The following RALGPS1 variants were observed in gnomAD, a reference collection of about 807,000 sequenced individuals.
The protein encoded by RALGPS1 is Ral GEF with PH domain and SH3 binding motif 1, also known as ras-specific guanine nucleotide-releasing factor RalGPS1.
RALGPS1 carries 19 observed loss-of-function variants against 78.8 expected under a neutral mutation model. The ratio of observed to expected loss-of-function variants is 0.24; its 90% confidence interval spans 0.17 to 0.35. The LOEUF (loss-of-function observed/expected upper bound fraction) is 0.35, where lower values mean the gene tolerates loss of function less well. RALGPS1 is among the 10% of genes least tolerant of loss of function. The pLI, the probability that RALGPS1 is intolerant of heterozygous loss-of-function variation, is 1.00. For missense variants in RALGPS1, 454 were observed against 688.3 expected (o/e 0.66, Z 3.81); for synonymous variants, 228 against 256.3 (o/e 0.89, Z 1.06).
At chr9:127,170,867 C>G (rs1353081640) in intron 10 of RALGPS1, among the ~76,000 whole-genome samples, 1 of 152,234 alleles carries the variant, frequency 6.6e-6, no homozygotes, top group Non-Finnish European at 1.5e-5. Flanking sequence ...CCTGCATTCT[C>G]ACCCCCGGCC....
At chr9:127,092,838 G>A (rs2052643934) in intron 8 of RALGPS1, among the ~76,000 whole-genome samples, 1 of 152,072 alleles carries the variant, frequency 6.6e-6, no homozygotes, top group Non-Finnish European at 1.5e-5. Context: ...CAGGAGGTGG[G>A]GTGGGGGACA....
chr9:127,055,023 G>GAGAGAGAGAGAGAGAT (rs2048614880), intron 7 of RALGPS1, among the ~76,000 whole-genome samples: 1 of 98,880 alleles, frequency 1.0e-5, no homozygotes, highest in South Asian at 2.9e-4. Context: ...GAGAGAGAGA[G>GAGAGAGAGAGAGAGAT]AGAGAGAGAG....
chr9:127,036,406 G>C (rs2046869617), intron 5 of RALGPS1, among the ~76,000 whole-genome samples: 2 of 152,248 alleles, frequency 1.3e-5, no homozygotes. Context: ...TCACTTACCT[G>C]TCTGAGCCTC....
chr9:127,107,506 C>T (rs1424497519), intron 8 of RALGPS1, among the ~76,000 whole-genome samples: 1 of 152,238 alleles, frequency 6.6e-6, no homozygotes, highest in Non-Finnish European at 1.5e-5. Context: ...TCTTTTGGCC[C>T]ATTGTTTATT....
At chr9:127,078,291 G>C (rs1434521941) in intron 8 of RALGPS1, among the ~76,000 whole-genome samples, 6 of 152,064 alleles carry the variant, frequency 3.9e-5, no homozygotes, top group South Asian at 2.1e-4. Flanking sequence ...GCAATCTCCG[G>C]ATTTGTTACC....
intron 4 of RALGPS1, among the ~76,000 whole-genome samples, chr9:127,013,709 C>G (rs1196467726): frequency 6.6e-6 from 1 of 152,168 alleles, no homozygotes; most frequent in African/African-American, 2.4e-5. Flanking sequence ...TCCCCAGTGC[C>G]TTTGGGTGAT....
At position 127,219,225 on chromosome 9, in the gene RALGPS1, A is replaced by C; in HGVS notation, c.*456A>C. ...ACAGGGCTGCCTCAGATTTTGTACAACCCCGAAGCGTCCTCTGCGTGTGCG... is the reference window on the plus strand; with the variant it reads ...ACAGGGCTGCCTCAGATTTTGTACACCCCCGAAGCGTCCTCTGCGTGTGCG... On this transcript the variant is annotated 3_prime_UTR_variant, in exon 19 of 19. Transcript: ENST00000259351. This position sits in a 1 kb window ranked among gnomAD's most constrained non-coding sequence, Gnocchi z 5.0. 2.3e-5 allele frequency: 5 copies of C among 214,852 alleles called. No individual in the cohort carries two copies. Among genetic ancestry groups the C allele is most frequent in the South Asian group, 1.6e-4 (2 of 12,862 alleles). 13.3% of individuals were successfully genotyped at this position (214,852 alleles called of 1,614,324 possible). A position where few individuals can be genotyped will look rare whatever the true frequency, so the allele number is the denominator to read the frequency against.
intron 1 of RALGPS1, among the ~76,000 whole-genome samples, chr9:126,954,890 C>G (rs1197718673): frequency 1.3e-5 from 2 of 152,212 alleles, no homozygotes; most frequent in African/African-American, 4.8e-5. Context: ...CAAGGCCATT[C>G]ATGCCCTGGC....
Position 127,220,594 on chromosome 9 carries a change from A to T in RALGPS1, c.*1825A>T, listed in dbSNP as rs2062747354. The T allele has an allele frequency of 6.6e-6, 1 of 152,224 alleles. No homozygotes were observed. The highest frequency in any genetic ancestry group is 1.5e-5 in the Non-Finnish European group (1 of 68,040). The allele number at this position is 152,224 out of a possible 1,614,324, so 9.4% of individuals were successfully genotyped here. On this transcript the variant is annotated 3_prime_UTR_variant, in exon 19 of 19. Transcript: ENST00000259351. Reference sequence around the variant, plus strand: ...GCGGATGTTGCACCTCATTCTCCCGATGACTATTCAAATCAGCATCTAGAG... The same window carrying T: ...GCGGATGTTGCACCTCATTCTCCCGTTGACTATTCAAATCAGCATCTAGAG...
At chr9:127,083,601 G>A (rs1396228472) in intron 8 of RALGPS1, among the ~76,000 whole-genome samples, 1 of 152,184 alleles carries the variant, frequency 6.6e-6, no homozygotes, top group Non-Finnish European at 1.5e-5. Flanking sequence ...ATGGACTTGG[G>A]GAGATACCTC....
chr9:126,921,803 T>C (rs1262008038), intron 1 of RALGPS1, among the ~76,000 whole-genome samples: 1 of 152,196 alleles, frequency 6.6e-6, no homozygotes, highest in African/African-American at 2.4e-5. Flanking sequence ...CGCTACAAAA[T>C]AGGGCTTAGC....
intron 8 of RALGPS1, among the ~76,000 whole-genome samples, chr9:127,083,463 A>T (rs2051379782): frequency 6.6e-6 from 1 of 152,138 alleles, no homozygotes; most frequent in African/African-American, 2.4e-5. Context: ...AGAGAAAGAG[A>T]CCCTGCAGGA....
chr9:126,991,664 A>G (rs752000310), intron 4 of RALGPS1, among the ~76,000 whole-genome samples: 4 of 152,028 alleles, frequency 2.6e-5, no homozygotes, highest in Admixed American at 6.6e-5. Context: ...TGGCTCTGCT[A>G]CTCTGTAGCT....
chr9:127,164,822 G>C (rs1049297421), intron 8 of RALGPS1, among the ~76,000 whole-genome samples: 6 of 152,104 alleles, frequency 3.9e-5, no homozygotes, highest in African/African-American at 1.2e-4. Context: ...TTACAGGCGC[G>C]AGCCACTATG....
intron 8 of RALGPS1, among the ~76,000 whole-genome samples, chr9:127,085,578 CTT>C (rs1392064397): frequency 6.6e-6 from 1 of 152,144 alleles, no homozygotes; most frequent in Non-Finnish European, 1.5e-5. Context: ...CCTTCCTCTC[CTT>C]CTATATAGCC....
intron 18 of RALGPS1, among the ~76,000 whole-genome samples, chr9:127,215,245 C>T (rs1309169346): frequency 1.3e-5 from 2 of 152,336 alleles, no homozygotes; most frequent in Admixed American, 6.5e-5. Context: ...GGGAATAATG[C>T]GGCTAGCTAA....
At chr9:127,158,977 A>C (rs923196142) in intron 8 of RALGPS1, among the ~76,000 whole-genome samples, 1 of 151,966 alleles carries the variant, frequency 6.6e-6, no homozygotes, top group South Asian at 2.1e-4. Context: ...GGGAGGTATA[A>C]TTTCCCCAAA....
intron 4 of RALGPS1, among the ~76,000 whole-genome samples, chr9:127,020,879 T>TA (rs565632977): frequency 8.9e-4 from 135 of 152,358 alleles, no homozygotes; most frequent in Admixed American, 1.4e-3. Flanking sequence ...GCTATGCCTC[T>TA]ATTTCTTCAT....
intron 8 of RALGPS1, among the ~76,000 whole-genome samples, chr9:127,157,394 C>T (rs2058759366): frequency 6.6e-6 from 1 of 152,022 alleles, no homozygotes; most frequent in Non-Finnish European, 1.5e-5. Context: ...AACTCAGATA[C>T]AAAGAGATGT....
Sources: gnomAD v4.1 joint callset for allele counts (sites outside exome capture counted in the v4.1 genomes callset) on GRCh38, gnomAD v4.1.1 for gene constraint, Gnocchi (gnomAD v3.1) non-coding constraint, MANE v1.5 for transcripts, NCBI Gene and HGNC (gene_info 2026-07-23, HGNC 2026-07-21) for gene names.